The following RAI14 variants were observed in gnomAD, a reference collection of about 807,000 sequenced individuals.
RAI14 encodes retinoic acid induced 14.
RAI14 carries 45 observed loss-of-function variants against 115.4 expected under a neutral mutation model. That is an observed-to-expected ratio of 0.39 (90% confidence interval 0.31 to 0.50). RAI14 has a LOEUF of 0.50. Ranked by LOEUF, RAI14 falls within the 20% of genes least tolerant of loss-of-function variation. RAI14 has a pLI of 0.85. For missense variants in RAI14, 939 were observed against 1,131.2 expected (o/e 0.83, Z 2.44); for synonymous variants, 371 against 415.4 (o/e 0.89, Z 1.30).
chr5:34,717,645 C>T (rs778365761), intron 2 of RAI14, among the ~76,000 whole-genome samples: 9 of 152,150 alleles, frequency 5.9e-5, no homozygotes, highest in Admixed American at 1.3e-4. Context: ...CTGAAGAAGA[C>T]AGATGTGGGA....
chr5:34,829,911 T>A, intron 17 of RAI14, 114 bp downstream of exon 17: 1 of 898,812 alleles, frequency 1.1e-6, no homozygotes, highest in South Asian at 1.8e-5. Context: ...GGAGAATCCT[T>A]TTCACTGGAA....
At chr5:34,742,019 T>C (rs984735053) in intron 2 of RAI14, among the ~76,000 whole-genome samples, 2 of 152,084 alleles carry the variant, frequency 1.3e-5, no homozygotes, top group African/African-American at 2.4e-5. Flanking sequence ...TTGAACCAAA[T>C]TGGACTGAAT....
intron 13 of RAI14, among the ~76,000 whole-genome samples, chr5:34,821,268 A>C (rs994687912): frequency 1.3e-5 from 2 of 152,200 alleles, no homozygotes; most frequent in Admixed American, 1.3e-4. Context: ...TGGGAAGAAG[A>C]GAGAGGCAGA....
At chr5:34,801,612 G>A (rs552607727) in intron 4 of RAI14, among the ~76,000 whole-genome samples, 2 of 152,096 alleles carry the variant, frequency 1.3e-5, no homozygotes, top group East Asian at 1.9e-4. Flanking sequence ...CTGGTGGCAC[G>A]CACCTGTAAT....
At chr5:34,693,523 G>C (rs938326358) in intron 2 of RAI14, among the ~76,000 whole-genome samples, 12 of 152,200 alleles carry the variant, frequency 7.9e-5, no homozygotes, top group Admixed American at 7.2e-4. Flanking sequence ...ACTGTGCCAA[G>C]CCCCTTTGCA....
intron 2 of RAI14, among the ~76,000 whole-genome samples, chr5:34,707,154 G>C (rs1361571223): frequency 6.6e-6 from 1 of 152,130 alleles, no homozygotes; most frequent in Non-Finnish European, 1.5e-5. Flanking sequence ...AGCCTCCCTG[G>C]GTTTCCACAT....
At chr5:34,749,952 GA>G (rs1454494007) in intron 2 of RAI14, among the ~76,000 whole-genome samples, 1 of 152,196 alleles carries the variant, frequency 6.6e-6, no homozygotes, top group Non-Finnish European at 1.5e-5. Context: ...GAGCATAGTA[GA>G]AAATTTGCAT....
At chr5:34,660,376 G>A (rs927556164) in intron 1 of RAI14, among the ~76,000 whole-genome samples, 2 of 151,984 alleles carry the variant, frequency 1.3e-5, no homozygotes, top group African/African-American at 2.4e-5. Flanking sequence ...AGGTTGCAGT[G>A]AGCCGAGATC....
At chr5:34,824,610 C>G (rs1209053748) in intron 15 of RAI14, 119 bp downstream of exon 15, 14 of 813,586 alleles carry the variant, frequency 1.7e-5, no homozygotes, top group Admixed American at 1.3e-4. Context: ...AGAGGCTCTG[C>G]ACATGAACTT....
chr5:34,778,949 A>T (rs985397699), intron 3 of RAI14, among the ~76,000 whole-genome samples: 1 of 152,124 alleles, frequency 6.6e-6, no homozygotes, highest in Non-Finnish European at 1.5e-5. Flanking sequence ...AATATCCCTG[A>T]TGAACATCGA....
At chr5:34,789,193 C>T (rs1476079330) in intron 3 of RAI14, among the ~76,000 whole-genome samples, 2 of 152,188 alleles carry the variant, frequency 1.3e-5, no homozygotes, top group Non-Finnish European at 2.9e-5. Context: ...GCCTTCCTGC[C>T]TGCCATCTAG....
intron 5 of RAI14, among the ~76,000 whole-genome samples, chr5:34,805,209 C>A (rs1453369247): frequency 3.9e-5 from 6 of 152,094 alleles, no homozygotes; most frequent in African/African-American, 1.5e-4. Flanking sequence ...CCTCTCACTG[C>A]CAAACCATTC....
In RAI14 at chr5:34,826,940, T is replaced by A. The variant is rs1036852375; in HGVS notation, c.2799+461T>A. Reference sequence around the variant, plus strand: ...TGCTTATCTAAATTTGTTTCCTGGGTCCATTGTAACAAATCACCACAAATT... The same window carrying A: ...TGCTTATCTAAATTTGTTTCCTGGGACCATTGTAACAAATCACCACAAATT... On this transcript the variant is annotated intron_variant, in intron 16 of 17. Coordinates refer to ENST00000265109, the MANE Select transcript of RAI14 (RefSeq NM_015577.3). Among the ~76,000 whole-genome samples the A allele has an allele frequency of 5.9e-5, 9 of 152,294 alleles. No homozygotes were observed. In the South Asian group the frequency reaches 1.7e-3, roughly 28 times the overall value.
intron 2 of RAI14, among the ~76,000 whole-genome samples, chr5:34,720,106 A>T (rs1458842820): frequency 5.3e-5 from 8 of 152,176 alleles, no homozygotes; most frequent in Admixed American, 5.2e-4. Context: ...TGATATTATG[A>T]CAGTTACTTT....
At chr5:34,663,437 A>G (rs1327335611) in intron 1 of RAI14, among the ~76,000 whole-genome samples, 1 of 152,146 alleles carries the variant, frequency 6.6e-6, no homozygotes, top group Non-Finnish European at 1.5e-5. Flanking sequence ...GATCACCTCA[A>G]CCCATGAGAT....
chr5:34,719,860 T>C (rs544446293), intron 2 of RAI14, among the ~76,000 whole-genome samples: 1 of 152,348 alleles, frequency 6.6e-6, no homozygotes, highest in East Asian at 1.9e-4. Context: ...AGATATTTTT[T>C]GTGGTAACTC....
At chr5:34,721,780 T>C (rs189486402) in intron 2 of RAI14, among the ~76,000 whole-genome samples, 2 of 152,144 alleles carry the variant, frequency 1.3e-5, no homozygotes, top group Non-Finnish European at 2.9e-5. Context: ...ATGGAATCTA[T>C]GCTCACTGCA....
chr5:34,690,471 T>A (rs1484860481), intron 2 of RAI14, among the ~76,000 whole-genome samples: 1 of 152,224 alleles, frequency 6.6e-6, no homozygotes, highest in Non-Finnish European at 1.5e-5. Flanking sequence ...TTGTGGCCAC[T>A]GTGAGCAACA....
intron 3 of RAI14, among the ~76,000 whole-genome samples, chr5:34,777,682 G>A (rs566418869): frequency 1.1e-3 from 167 of 152,296 alleles, no homozygotes; most frequent in African/African-American, 3.7e-3. Context: ...AGGAGGCTGA[G>A]GCAGGAGAAT....
Sources: gnomAD v4.1 joint callset for allele counts (sites outside exome capture counted in the v4.1 genomes callset) on GRCh38, gnomAD v4.1.1 for gene constraint, MANE v1.5 for transcripts, NCBI Gene and HGNC (gene_info 2026-07-23, HGNC 2026-07-21) for gene names.